Variants in DBT observed in about 807,000 individuals in gnomAD.
The protein encoded by DBT is dihydrolipoamide branched chain transacylase E2, also known as lipoamide acyltransferase component of branched-chain alpha-keto acid dehydrogenase complex, mitochondrial.
A neutral mutation model predicts 51.3 loss-of-function variants in DBT; 40 were observed. The observed-to-expected ratio is 0.78, with a 90% CI of 0.61 to 1.02. The LOEUF (loss-of-function observed/expected upper bound fraction) is 1.02. DBT is among the 50% of genes least tolerant of loss of function. DBT has a pLI of 0.00. For missense variants in DBT, 510 were observed against 580.2 expected, an observed-to-expected ratio of 0.88 and a Z score of 1.24; for synonymous variants, 181 against 190.4, an observed-to-expected ratio of 0.95 and a Z score of 0.41.
At position 100,214,880 on chromosome 1, in the gene DBT, T is replaced by C. The variant is rs1662390666; in HGVS notation, c.876A>G (p.Glu292=). 1.9e-6 allele frequency: 3 copies of C among 1,614,066 alleles called. No homozygotes were observed. In the African/African-American group the frequency reaches 4.0e-5, roughly 22 times the overall value. Residue 292 remains glutamate (E), a synonymous_variant, in exon 7 of 11, where the codon GAA becomes GAG. Transcript: ENST00000370132. ...IDLTELVKLR[E]ELKPIAFARG... is the part of the protein sequence containing the mutation. ...GAGCAAATGCAATGGGTTTTAATTCTTCTCGGAGCTTAACCAGTTCAGTAA... is the reference window on the plus strand; with the variant it reads ...GAGCAAATGCAATGGGTTTTAATTCCTCTCGGAGCTTAACCAGTTCAGTAA...
At chr1:100,232,354 A>G (rs911920463) in intron 3 of DBT, among the ~76,000 whole-genome samples, 6 of 151,724 alleles carry the variant, frequency 4.0e-5, no homozygotes, top group African/African-American at 1.5e-4. Context: ...TGCCCAGGCT[A>G]GTCTGGAACT....
rs574403682 is a variant in DBT, at chr1:100,243,226, C to T, written c.52-2342G>A. Among the ~76,000 whole-genome samples, 25 of 141,716 alleles carry T rather than the reference C, an allele frequency of 1.8e-4. No individual in the cohort carries two copies. The East Asian group carries it at 4.8e-3, about 27-fold the overall frequency. The allele number at this position is 141,716 out of a possible 152,430, so 93.0% of individuals were successfully genotyped here. The stretch of plus-strand genomic sequence containing the variant: ...GCAATGAGCCAAGATCACACCACTG[C>T]ACTTCAGCCTAGGTGACAGAGAGAC... On this transcript the variant is annotated intron_variant, in intron 1 of 10. Transcript: ENST00000370132.
At chr1:100,240,511 G>A (rs1664147849) in intron 2 of DBT, among the ~76,000 whole-genome samples, 2 of 152,140 alleles carry the variant, frequency 1.3e-5, no homozygotes, top group Non-Finnish European at 2.9e-5. Flanking sequence ...CTGGGCAACT[G>A]AGTGAGATCC....
At chr1:100,239,584 C>A (rs1664087977) in intron 2 of DBT, among the ~76,000 whole-genome samples, 2 of 151,626 alleles carry the variant, frequency 1.3e-5, no homozygotes, top group South Asian at 2.1e-4. Flanking sequence ...AAAGAAAAGG[C>A]ATGGAAGGCC....
At chr1:100,245,209 A>AAATAAT (rs917173666) in intron 1 of DBT, among the ~76,000 whole-genome samples, 2 of 151,354 alleles carry the variant, frequency 1.3e-5, no homozygotes, top group South Asian at 2.1e-4. Context: ...ATCCCATCTC[A>AAATAAT]AATAATAATA....
intron 3 of DBT, among the ~76,000 whole-genome samples, chr1:100,233,537 T>C (rs1029882715): frequency 3.3e-5 from 5 of 152,204 alleles, no homozygotes; most frequent in Admixed American, 6.6e-5. Flanking sequence ...TTAAGTTATT[T>C]ATGGATAGTT....
At position 100,230,760 on chromosome 1, in the gene DBT, C is replaced by T; in HGVS notation, c.406G>A (p.Val136Ile). The change falls in exon 4 of 11, where the codon GTA becomes ATA. Residue 136 changes from valine to isoleucine, a missense_variant. Val to Ile is a conservative substitution (Grantham distance 29). Coordinates refer to ENST00000370132, the MANE Select transcript of DBT (RefSeq NM_001918.5). ...DDIAYVGKPL[V>I]DIETEALKDS... is the part of the protein sequence containing the mutation. ...TTTAAAGCTTCCGTTTCTATGTCTA[C>T]TAATGGCTTCCCCACATAGGCAATA... The T allele has an allele frequency of 1.2e-6, 2 of 1,610,914 alleles. No homozygotes were observed. The highest frequency in any genetic ancestry group is 8.5e-7 in the Non-Finnish European group (1 of 1,177,812).
intron 4 of DBT, among the ~76,000 whole-genome samples, chr1:100,219,854 T>C (rs1015825200): frequency 2.0e-4 from 31 of 152,220 alleles, no homozygotes; most frequent in Admixed American, 5.2e-4. Context: ...GTTTAAGAAA[T>C]GCTGTGGTGG....
At chr1:100,241,366 T>TTTGTGTG (rs947738213) in intron 1 of DBT, among the ~76,000 whole-genome samples, 2 of 144,010 alleles carry the variant, frequency 1.4e-5, no homozygotes, top group African/African-American at 5.2e-5. Flanking sequence ...CTGAAAGGTA[T>TTTGTGTG]TGTGTGTGTG....
Position 100,213,249 on chromosome 1 carries a change from G to A in DBT, c.939+1568C>T, listed in dbSNP as rs937937318. On this transcript the variant is annotated intron_variant, in intron 7 of 10. Transcript: ENST00000370132. ...GAGGGGCCCGAGCCACCCGGGGCGT[G>A]CGCCGCGTCCCCGCCGGGGCCGACA... 8 of 1,235,066 alleles carry A rather than the reference G, an allele frequency of 6.5e-6. 1 individual carries two copies. In the Admixed American group the frequency reaches 2.9e-4, roughly 45 times the overall value. 76.5% of individuals were successfully genotyped at this position (1,235,066 alleles called of 1,614,324 possible).
intron 4 of DBT, among the ~76,000 whole-genome samples, chr1:100,220,422 G>A (rs1662782803): frequency 6.6e-6 from 1 of 152,174 alleles, no homozygotes; most frequent in Non-Finnish European, 1.5e-5. Flanking sequence ...TGCTTTGACA[G>A]TTTTGACATT....
At chr1:100,240,971 C>A in intron 1 of DBT, 87 bp from the exon 2 acceptor site, 3 of 1,280,118 alleles carry the variant, frequency 2.3e-6, no homozygotes, top group East Asian at 2.3e-5. Flanking sequence ...CAATTCCATT[C>A]TAAAAGTAGA....
intron 4 of DBT, among the ~76,000 whole-genome samples, chr1:100,220,622 T>C (rs2100808371): frequency 6.6e-6 from 1 of 152,382 alleles, no homozygotes; most frequent in South Asian, 2.1e-4. Flanking sequence ...GTCCTGCATA[T>C]GCAGTATCTT....
At chr1:100,215,945 G>T (rs1016845137) in intron 6 of DBT, 38 bp downstream of exon 6, 5 of 1,231,680 alleles carry the variant, frequency 4.1e-6, no homozygotes, top group South Asian at 3.6e-5. Flanking sequence ...CAAAATAAAT[G>T]AACTATTGCC....
At chr1:100,225,047 A>ATG (rs1280222355) in intron 4 of DBT, among the ~76,000 whole-genome samples, 4,102 of 81,376 alleles carry the variant, frequency 0.05, 430 homozygotes, top group East Asian at 0.21. Context: ...AAAAAAATAT[A>ATG]TATATACACA....
At chr1:100,229,584 T>A (rs1310290766) in intron 4 of DBT, among the ~76,000 whole-genome samples, 2 of 152,226 alleles carry the variant, frequency 1.3e-5, no homozygotes, top group Admixed American at 1.3e-4. Context: ...AAAAAGATTG[T>A]AATATTAGTT....
chr1:100,244,627 CCTACATATT>C (rs1427004146), intron 1 of DBT, among the ~76,000 whole-genome samples: 2 of 152,164 alleles, frequency 1.3e-5, no homozygotes, highest in African/African-American at 4.8e-5. Flanking sequence ...AGTACTGAAT[CCTACATATT>C]CTACATATAC....
rs2100797103 is a variant in DBT at position 100,214,823 on chromosome 1, G to A, written c.933C>T (p.Phe311=). The A allele has an allele frequency of 6.2e-7, 1 of 1,613,952 alleles. No homozygotes were observed. Reference sequence around the variant, plus strand: ...TGAAATGAATGAATCTCACCTTTAAGAAGAAAGGCATAAAGGAGAGTTTAA... The same window carrying A: ...TGAAATGAATGAATCTCACCTTTAAAAAGAAAGGCATAAAGGAGAGTTTAA... ...RGIKLSFMPF[F]LKAASLGLLQ... Residue 311 remains phenylalanine, a synonymous_variant, in exon 7 of 11, where the codon TTC becomes TTT. Transcript: ENST00000370132.
chr1:100,224,027 TA>T (rs1320106903), intron 4 of DBT, among the ~76,000 whole-genome samples: 1 of 152,132 alleles, frequency 6.6e-6, no homozygotes, highest in Non-Finnish European at 1.5e-5. Flanking sequence ...TCACCAAAAT[TA>T]TCATGACCCT....
Sources: allele counts gnomAD v4.1 joint callset (sites outside exome capture counted in the v4.1 genomes callset), GRCh38; gene constraint gnomAD v4.1.1; transcripts MANE v1.5; gene names NCBI Gene and HGNC (gene_info 2026-07-23, HGNC 2026-07-21).